NEDD4L: variants seen among roughly 807,000 people sequenced by gnomAD.
The protein encoded by NEDD4L is NEDD4 like E3 ubiquitin protein ligase.
In NEDD4L, 54 loss-of-function variants were observed where a neutral mutation model predicts 148.9. That is an observed-to-expected ratio of 0.36 (90% confidence interval 0.29 to 0.45). The LOEUF (loss-of-function observed/expected upper bound fraction) is 0.45, where lower values mean the gene tolerates loss of function less well. NEDD4L is among the 20% of genes least tolerant of loss of function. NEDD4L has a pLI of 1.00. For synonymous variants in NEDD4L, 433 were observed against 440.7 expected (o/e 0.98, Z 0.22); for missense variants, 856 against 1,233.8 (o/e 0.69, Z 4.59).
chr18:58,249,778 T>C (rs2047678172), intron 4 of NEDD4L, among the ~76,000 whole-genome samples: 1 of 152,224 alleles, frequency 6.6e-6, no homozygotes, highest in Non-Finnish European at 1.5e-5. Context: ...CGCAATAGTA[T>C]TTTTTGTGCT....
At chr18:58,281,464 G>A (rs1055015316) in intron 5 of NEDD4L, among the ~76,000 whole-genome samples, 3 of 152,050 alleles carry the variant, frequency 2.0e-5, no homozygotes, top group African/African-American at 7.2e-5. Flanking sequence ...CCACCCTGTG[G>A]CACAGTTCTC....
At chr18:58,046,396 A>T (rs2081587447) in intron 1 of NEDD4L, 1 of 40,880 alleles carries the variant, frequency 2.4e-5, no homozygotes, top group African/African-American at 9.0e-5. Flanking sequence ...GCTTGGGTTG[A>T]CGTATTGTGG....
chr18:58,345,927 T>G (rs951027497), intron 16 of NEDD4L, among the ~76,000 whole-genome samples: 10 of 138,086 alleles, frequency 7.2e-5, no homozygotes, highest in African/African-American at 1.1e-4. Context: ...TTTTTTGTTT[T>G]TTGTTTTTTT....
intron 1 of NEDD4L, among the ~76,000 whole-genome samples, chr18:58,103,016 T>C (rs1210682598): frequency 1.3e-5 from 2 of 152,020 alleles, no homozygotes; most frequent in African/African-American, 4.8e-5. Context: ...GCTGGCTTAT[T>C]ATCTGTGCTG....
intron 6 of NEDD4L, among the ~76,000 whole-genome samples, chr18:58,321,179 T>C (rs1182073657): frequency 6.6e-6 from 1 of 152,224 alleles, no homozygotes; most frequent in Non-Finnish European, 1.5e-5. Context: ...TAAACTAGTA[T>C]GTCAACAAAT....
At chr18:58,132,518 G>GT (rs2032298846) in intron 1 of NEDD4L, among the ~76,000 whole-genome samples, 1 of 152,212 alleles carries the variant, frequency 6.6e-6, no homozygotes, top group Non-Finnish European at 1.5e-5. Flanking sequence ...TGGGGTAGTG[G>GT]TACAGTTCCT....
At chr18:58,372,482 A>AT (rs1260745734) in intron 23 of NEDD4L, 1 of 151,900 alleles carries the variant, frequency 6.6e-6, no homozygotes, top group East Asian at 1.9e-4. Context: ...AACTTTATTT[A>AT]TTTTTTATAG....
chr18:58,208,497 C>T (rs1322273939), intron 2 of NEDD4L, among the ~76,000 whole-genome samples: 4 of 152,104 alleles, frequency 2.6e-5, no homozygotes, highest in African/African-American at 4.8e-5. Context: ...TGATTTTATT[C>T]GAGTGTCATT....
intron 5 of NEDD4L, among the ~76,000 whole-genome samples, chr18:58,309,392 C>T (rs1358989787): frequency 6.6e-6 from 1 of 152,198 alleles, no homozygotes; most frequent in Non-Finnish European, 1.5e-5. Flanking sequence ...TCAAGGTGTC[C>T]CTGCAGTATT....
chr18:58,300,510 C>A (rs1019677582), intron 5 of NEDD4L, among the ~76,000 whole-genome samples: 15 of 152,202 alleles, frequency 9.9e-5, no homozygotes, highest in African/African-American at 3.6e-4. Flanking sequence ...AATAACTACA[C>A]CAAGTCACCA....
chr18:58,154,844 C>T (rs549526916), intron 1 of NEDD4L, among the ~76,000 whole-genome samples: 2 of 152,236 alleles, frequency 1.3e-5, no homozygotes, highest in East Asian at 1.9e-4. Flanking sequence ...TATTTATGAG[C>T]ACCTCTTAAT....
Position 58,256,766 on chromosome 18 carries a change from G to T in NEDD4L, c.297+4712G>T. On this transcript the variant is annotated intron_variant, in intron 5 of 30. Coordinates refer to ENST00000400345, the MANE Select transcript of NEDD4L (RefSeq NM_001144967.3). This position sits in a 1 kb window ranked among gnomAD's most constrained non-coding sequence, Gnocchi z 5.2. ...CAAAAGCCCTGTTTCCACGGGAGCT[G>T]ACACCACGGTAAGTTCACAGCGTGT... 1 of 1,231,950 alleles carries T rather than the reference G, an allele frequency of 8.1e-7. No individual in the cohort carries two copies. The highest frequency in any genetic ancestry group is 4.1e-5 in the South Asian group (1 of 24,312). 76.3% of individuals were successfully genotyped at this position (1,231,950 alleles called of 1,614,324 possible). A position where few individuals can be genotyped will look rare whatever the true frequency, so the allele number is the denominator to read the frequency against.
At chr18:58,212,217 C>G (rs2042667337) in intron 2 of NEDD4L, among the ~76,000 whole-genome samples, 1 of 152,126 alleles carries the variant, frequency 6.6e-6, no homozygotes, top group South Asian at 2.1e-4. Flanking sequence ...GCCTTGACCT[C>G]CCAGACTCAG....
In NEDD4L at chr18:58,253,452, C is replaced by T. The variant is rs548941820; in HGVS notation, c.297+1398C>T. 1.1e-4 allele frequency among the ~76,000 whole-genome samples: 17 copies of T among 152,356 alleles called. No individual in the cohort carries two copies. In the East Asian group the frequency reaches 3.3e-3, roughly 29 times the overall value. On this transcript the variant is annotated intron_variant, in intron 5 of 30. Coordinates refer to ENST00000400345, the MANE Select transcript of NEDD4L (RefSeq NM_001144967.3). ...GGTGATGAACAGTCGTACAGTGTAA[C>T]TAAACCACTTTTGTTGTATGCATCA...
At chr18:58,189,757 C>A (rs746524513) in intron 2 of NEDD4L, 2 of 152,166 alleles carry the variant, frequency 1.3e-5, no homozygotes, top group African/African-American at 2.4e-5. Context: ...TAGTGAAGCC[C>A]GTGACCCACA....
Position 58,341,092 on chromosome 18 carries a change from A to C in NEDD4L, c.1180A>C (p.Arg394=). 2 of 1,612,156 alleles carry C rather than the reference A, an allele frequency of 1.2e-6. No individual in the cohort carries two copies. The highest frequency in any genetic ancestry group is 1.7e-6 in the Non-Finnish European group (2 of 1,179,150). The part of the protein sequence containing the change: ...TPGLPSGWEE[R]KDAKGRTYYV... ...GGGTCTGCCTTCAGGCTGGGAAGAA[A>C]GAAAAGATGCTAAGGGGCGCACATA... Residue 394 remains arginine (R), a synonymous_variant, in exon 14 of 31, where the codon AGA becomes CGA. Coordinates refer to ENST00000400345, the MANE Select transcript of NEDD4L (RefSeq NM_001144967.3).
At chr18:58,180,939 CT>C (rs1394307578) in intron 2 of NEDD4L, among the ~76,000 whole-genome samples, 25 of 152,316 alleles carry the variant, frequency 1.6e-4, no homozygotes, top group Non-Finnish European at 3.2e-4. Flanking sequence ...ACAGCACCCT[CT>C]GGTGGCCATA....
At chr18:58,158,767 G>T (rs2035826996) in intron 1 of NEDD4L, among the ~76,000 whole-genome samples, 1 of 152,164 alleles carries the variant, frequency 6.6e-6, no homozygotes, top group Non-Finnish European at 1.5e-5. Flanking sequence ...TGTCATCTGG[G>T]TTTGAACTGG....
chr18:58,394,941 G>A (rs1453506291), intron 30 of NEDD4L, among the ~76,000 whole-genome samples: 1 of 152,226 alleles, frequency 6.6e-6, no homozygotes, highest in Non-Finnish European at 1.5e-5. Context: ...ACTCGCGGCA[G>A]AGGCAGCACA....
Sources: allele counts gnomAD v4.1 joint callset (sites outside exome capture counted in the v4.1 genomes callset), GRCh38; gene constraint gnomAD v4.1.1; non-coding constraint Gnocchi (gnomAD v3.1); transcripts MANE v1.5; gene names NCBI Gene and HGNC (gene_info 2026-07-23, HGNC 2026-07-21).